ENOX1: variants seen among roughly 807,000 people sequenced by gnomAD.
The protein encoded by ENOX1 is candidate growth-related and time keeping constitutive hydroquinone (NADH) oxidase.
In ENOX1, 42 loss-of-function variants were observed where a neutral mutation model predicts 82.5. That is an observed-to-expected ratio of 0.51 (90% CI 0.40 to 0.66). The LOEUF (loss-of-function observed/expected upper bound fraction) is 0.66, where lower values mean the gene tolerates loss of function less well. Among genes scored for constraint, ENOX1 ranks in the 30% least tolerant of loss-of-function variants. ENOX1 has a pLI of 0.00. For synonymous variants in ENOX1, 271 were observed against 282.2 expected (o/e 0.96, Z 0.40); for missense variants, 608 against 811.6 (o/e 0.75, Z 3.05).
At chr13:43,392,673 C>T (rs2052863567) in intron 5 of ENOX1, among the ~76,000 whole-genome samples, 2 of 152,130 alleles carry the variant, frequency 1.3e-5, no homozygotes, top group Admixed American at 6.5e-5. Flanking sequence ...CCAGCCTGGG[C>T]AACAAGAGCT....
intron 2 of ENOX1, among the ~76,000 whole-genome samples, chr13:43,613,250 A>G (rs2082274450): frequency 6.6e-6 from 1 of 152,180 alleles, no homozygotes; most frequent in South Asian, 2.1e-4. Context: ...AAAGTTCATT[A>G]TATTTATTAC....
intron 5 of ENOX1, among the ~76,000 whole-genome samples, chr13:43,380,268 A>C: frequency 6.6e-6 from 1 of 151,792 alleles, no homozygotes; most frequent in East Asian, 1.9e-4. Flanking sequence ...AATAGAAAAA[A>C]AAAATTTTTA....
intron 2 of ENOX1, among the ~76,000 whole-genome samples, chr13:43,623,644 T>TG (rs1276450660): frequency 6.6e-6 from 1 of 152,090 alleles, no homozygotes; most frequent in African/African-American, 2.4e-5. Context: ...CCTCTTGGGA[T>TG]GGCTGGTTTG....
At chr13:43,270,560 C>T (rs1303325105) in intron 12 of ENOX1, among the ~76,000 whole-genome samples, 1 of 152,154 alleles carries the variant, frequency 6.6e-6, no homozygotes, top group African/African-American at 2.4e-5. Context: ...CCATCAAAGC[C>T]TGGAGAAACA....
rs370214188 is a variant in ENOX1 at position 43,470,271 on chromosome 13, C to A, written c.-75+13738G>T. ...ATACATATATATATACATATATATACACATATATATACATATATATATACA... is the reference window on the plus strand; with the variant it reads ...ATACATATATATATACATATATATAAACATATATATACATATATATATACA... On this transcript the variant is annotated intron_variant, in intron 3 of 16. Coordinates refer to ENST00000690772, the MANE Select transcript of ENOX1 (RefSeq NM_001347969.2). Among the ~76,000 whole-genome samples the A allele has an allele frequency of 2.5e-3, 100 of 40,106 alleles. 4 individuals carry two copies. The highest frequency in any genetic ancestry group is 5.8e-3 in the Non-Finnish European group (77 of 13,378). The allele number at this position is 40,106 out of a possible 152,430, so 26.3% of individuals were successfully genotyped here. A position where few individuals can be genotyped will look rare whatever the true frequency, so the allele number is the denominator to read the frequency against.
intron 12 of ENOX1, among the ~76,000 whole-genome samples, chr13:43,275,256 C>T (rs1416925291): frequency 6.6e-6 from 1 of 152,156 alleles, no homozygotes; most frequent in Non-Finnish European, 1.5e-5. Flanking sequence ...AACAACAACC[C>T]CTTCCTTGTC....
chr13:43,709,324 A>G (rs1371087435), intron 1 of ENOX1, among the ~76,000 whole-genome samples: 1 of 152,160 alleles, frequency 6.6e-6, no homozygotes. Flanking sequence ...CATACTATGT[A>G]GTAAAATCAG....
At chr13:43,289,697 A>T (rs1030252614) in intron 12 of ENOX1, among the ~76,000 whole-genome samples, 58 of 152,208 alleles carry the variant, frequency 3.8e-4, no homozygotes, top group African/African-American at 1.4e-3. Flanking sequence ...CCCAAAAGCA[A>T]TTGTAACAAA....
At chr13:43,257,339 C>T (rs2043808595) in intron 14 of ENOX1, among the ~76,000 whole-genome samples, 1 of 152,066 alleles carries the variant, frequency 6.6e-6, no homozygotes, top group Non-Finnish European at 1.5e-5. Context: ...CAGATGATAT[C>T]CAATTGTCCT....
chr13:43,468,650 C>A (rs1215449655), intron 3 of ENOX1, among the ~76,000 whole-genome samples: 58 of 140,308 alleles, frequency 4.1e-4, no homozygotes, highest in Non-Finnish European at 6.4e-4. Flanking sequence ...AAAAAAAAAA[C>A]AAAGCCAGAT....
chr13:43,684,385 A>G (rs1490622080), intron 1 of ENOX1, among the ~76,000 whole-genome samples: 1 of 152,208 alleles, frequency 6.6e-6, no homozygotes, highest in Non-Finnish European at 1.5e-5. Context: ...GGGACACTAA[A>G]ATTGAATTGT....
At chr13:43,273,618 A>G (rs1473009616) in intron 12 of ENOX1, among the ~76,000 whole-genome samples, 1 of 152,188 alleles carries the variant, frequency 6.6e-6, no homozygotes, top group African/African-American at 2.4e-5. Context: ...CTCTCTAGGT[A>G]GAGACAATCC....
intron 14 of ENOX1, among the ~76,000 whole-genome samples, chr13:43,242,526 G>A (rs556731114): frequency 1.3e-5 from 2 of 152,282 alleles, no homozygotes; most frequent in African/African-American, 4.8e-5. Context: ...ATTTACCAAT[G>A]CCCAGTTCAA....
chr13:43,549,954 G>A (rs1448851411), intron 2 of ENOX1, among the ~76,000 whole-genome samples: 3 of 152,200 alleles, frequency 2.0e-5, no homozygotes, highest in African/African-American at 7.2e-5. Context: ...TTTTGTGGAT[G>A]ACAATTTTTC....
chr13:43,693,424 T>G (rs954666007), intron 1 of ENOX1, among the ~76,000 whole-genome samples: 8 of 152,200 alleles, frequency 5.3e-5, no homozygotes, highest in Non-Finnish European at 4.4e-5. Flanking sequence ...GTCCAGCTTG[T>G]ACAAAGTTTG....
At chr13:43,657,277 A>C (rs937456552) in intron 2 of ENOX1, among the ~76,000 whole-genome samples, 2 of 152,250 alleles carry the variant, frequency 1.3e-5, no homozygotes, top group African/African-American at 4.8e-5. Flanking sequence ...GACTAGGCCC[A>C]GAGATAACTG....
chr13:43,271,632 G>T (rs950337753), intron 12 of ENOX1, among the ~76,000 whole-genome samples: 1 of 151,716 alleles, frequency 6.6e-6, no homozygotes, highest in Admixed American at 6.6e-5. Context: ...AGTCTTCATT[G>T]CATCCGCACA....
At chr13:43,525,491 T>C (rs2153685111) in intron 2 of ENOX1, among the ~76,000 whole-genome samples, 1 of 152,316 alleles carries the variant, frequency 6.6e-6, no homozygotes, top group East Asian at 1.9e-4. Flanking sequence ...CTTTGGCCTA[T>C]ATTCCCAAAA....
intron 2 of ENOX1, among the ~76,000 whole-genome samples, chr13:43,516,038 A>G (rs1245502412): frequency 2.0e-5 from 3 of 152,164 alleles, no homozygotes; most frequent in Admixed American, 6.5e-5. Context: ...AGAACTTCCT[A>G]AGGGTAGATA....
Sources: allele counts gnomAD v4.1 joint callset (sites outside exome capture counted in the v4.1 genomes callset), GRCh38; gene constraint gnomAD v4.1.1; transcripts MANE v1.5; gene names NCBI Gene and HGNC (gene_info 2026-07-23, HGNC 2026-07-21).